The following KAZN variants were observed in gnomAD, a reference collection of about 807,000 sequenced individuals.
KAZN encodes kazrin, periplakin interacting protein.
KAZN carries 40 observed loss-of-function variants against 87.4 expected under a neutral mutation model. That is an observed-to-expected ratio of 0.46 (90% CI 0.36 to 0.60). The LOEUF is 0.60. Ranked by LOEUF, KAZN falls within the 20% of genes least tolerant of loss-of-function variation. The pLI is 0.00. For synonymous variants in KAZN, 466 were observed against 458.3 expected, an observed-to-expected ratio of 1.02 and a Z score of -0.22; for missense variants, 898 against 1,073.9, an observed-to-expected ratio of 0.84 and a Z score of 2.29.
intron 2 of KAZN, among the ~76,000 whole-genome samples, chr1:14,571,400 C>T (rs1674855484): frequency 1.3e-5 from 2 of 152,162 alleles, no homozygotes. Flanking sequence ...CTGTCGTCTG[C>T]TCACTGAATT....
At chr1:14,849,986 G>A (rs1649252839) in intron 1 of KAZN, among the ~76,000 whole-genome samples, 2 of 151,052 alleles carry the variant, frequency 1.3e-5, no homozygotes, top group Admixed American at 6.6e-5. Context: ...CCAGGCTGGA[G>A]TACAGTGGTG....
intron 2 of KAZN, among the ~76,000 whole-genome samples, chr1:14,389,737 G>A (rs997829539): frequency 1.3e-5 from 2 of 152,186 alleles, no homozygotes; most frequent in African/African-American, 4.8e-5. Flanking sequence ...GAGGGGTAGG[G>A]AGTGGGGATG....
chr1:14,384,292 T>C (rs1425002295), intron 2 of KAZN, among the ~76,000 whole-genome samples: 2 of 152,002 alleles, frequency 1.3e-5, no homozygotes, highest in African/African-American at 2.4e-5. Context: ...CTTTTCCTAA[T>C]TGAATACCCT....
chr1:14,821,919 A>G (rs1197048883), intron 1 of KAZN, among the ~76,000 whole-genome samples: 1 of 152,194 alleles, frequency 6.6e-6, no homozygotes, highest in Non-Finnish European at 1.5e-5. Context: ...TCAGCTCCAG[A>G]CACGTGGTGG....
intron 1 of KAZN, among the ~76,000 whole-genome samples, chr1:14,779,691 C>G (rs929401351): frequency 2.0e-5 from 3 of 152,108 alleles, no homozygotes; most frequent in African/African-American, 7.2e-5. Context: ...TGAACAGTTC[C>G]TGGGAAGGGT....
chr1:14,676,049 G>A (rs896582731), intron 1 of KAZN, among the ~76,000 whole-genome samples: 1 of 145,676 alleles, frequency 6.9e-6, no homozygotes, highest in African/African-American at 2.8e-5. Context: ...GGAATGAAGG[G>A]GGAGAGTGAC....
intron 8 of KAZN, among the ~76,000 whole-genome samples, chr1:15,069,249 TTC>T (rs1323412437): frequency 2.6e-5 from 4 of 152,188 alleles, no homozygotes; most frequent in African/African-American, 9.6e-5. Flanking sequence ...GGCCTCTGAT[TTC>T]TCACTTTACA....
chr1:14,458,108 A>G (rs115611276), intron 2 of KAZN, among the ~76,000 whole-genome samples: 296 of 152,190 alleles, frequency 1.9e-3, no homozygotes, highest in African/African-American at 6.7e-3. Flanking sequence ...AGGTAGAGCC[A>G]CCACGCCCAG....
intron 1 of KAZN, among the ~76,000 whole-genome samples, chr1:14,821,025 A>G (rs1646723964): frequency 6.6e-6 from 1 of 152,220 alleles, no homozygotes; most frequent in Non-Finnish European, 1.5e-5. Context: ...AGGAGGCAAC[A>G]TTCTGATTCT....
chr1:13,952,722 G>T (rs1641400099), intron 1 of KAZN, among the ~76,000 whole-genome samples: 1 of 152,076 alleles, frequency 6.6e-6, no homozygotes, highest in African/African-American at 2.4e-5. Context: ...ACATTGAAAG[G>T]TCCCCCTGGC....
chr1:14,102,795 C>G (rs1030129903), intron 1 of KAZN, among the ~76,000 whole-genome samples: 1 of 152,136 alleles, frequency 6.6e-6, no homozygotes, highest in Non-Finnish European at 1.5e-5. Context: ...TTCTCACAGT[C>G]CTGGAGGCCA....
chr1:14,454,520 T>A (rs1005280129), intron 2 of KAZN, among the ~76,000 whole-genome samples: 3 of 152,198 alleles, frequency 2.0e-5, no homozygotes, highest in Non-Finnish European at 2.9e-5. Flanking sequence ...TGCATTATAA[T>A]CACATGTGTA....
At chr1:13,907,495 C>CTGTG (rs150233453) in intron 1 of KAZN, among the ~76,000 whole-genome samples, 2 of 137,750 alleles carry the variant, frequency 1.5e-5, no homozygotes, top group Admixed American at 7.3e-5. Context: ...GTGTATGAGG[C>CTGTG]TGTGTGTGTG....
chr1:14,780,185 C>T (rs556517772), intron 1 of KAZN, among the ~76,000 whole-genome samples: 34 of 152,318 alleles, frequency 2.2e-4, no homozygotes, highest in Admixed American at 5.2e-4. Context: ...GCTGTTGCCT[C>T]TGCCTCAAAG....
At chr1:14,745,262 G>GAA (rs528235060) in intron 1 of KAZN, among the ~76,000 whole-genome samples, 5 of 99,320 alleles carry the variant, frequency 5.0e-5, no homozygotes, top group South Asian at 3.2e-4. Context: ...AGAAAAAAAG[G>GAA]AAAAAAAAAA....
intron 2 of KAZN, among the ~76,000 whole-genome samples, chr1:14,518,109 G>A (rs567530656): frequency 6.7e-6 from 1 of 149,406 alleles, no homozygotes; most frequent in South Asian, 2.1e-4. Context: ...GGCCTTTCAC[G>A]TTAAATGGGG....
intron 2 of KAZN, among the ~76,000 whole-genome samples, chr1:14,988,449 A>G (rs1667042806): frequency 6.6e-6 from 1 of 152,142 alleles, no homozygotes; most frequent in Non-Finnish European, 1.5e-5. Flanking sequence ...TGGCAGCTCC[A>G]CCCGGCCCAG....
intron 2 of KAZN, among the ~76,000 whole-genome samples, chr1:14,469,219 TAAA>T (rs147975161): frequency 6.6e-6 from 1 of 151,564 alleles, no homozygotes; most frequent in Non-Finnish European, 1.5e-5. Flanking sequence ...GTCACGCAGG[TAAA>T]AAAAAATCTG....
intron 1 of KAZN, among the ~76,000 whole-genome samples, chr1:14,862,926 G>A (rs1651034484): frequency 6.6e-6 from 1 of 152,142 alleles, no homozygotes. Flanking sequence ...TGAGACAAGC[G>A]CAATGTTGTA....
Sources: allele counts gnomAD v4.1 joint callset (sites outside exome capture counted in the v4.1 genomes callset), GRCh38; gene constraint gnomAD v4.1.1; transcripts MANE v1.5; gene names NCBI Gene and HGNC (gene_info 2026-07-23, HGNC 2026-07-21).